PMFBP1: variants seen among roughly 807,000 people sequenced by gnomAD.
PMFBP1 encodes the protein polyamine-modulated factor 1-binding protein 1.
PMFBP1 carries 131 observed loss-of-function variants against 137.8 expected under a neutral mutation model. That is an observed-to-expected ratio of 0.95 (90% CI 0.82 to 1.10). The LOEUF (loss-of-function observed/expected upper bound fraction) is 1.10. Ranked by LOEUF, PMFBP1 falls within the 50% of genes least tolerant of loss-of-function variation. The pLI is 0.00. For missense variants in PMFBP1, 1,199 were observed against 1,175.4 expected, an observed-to-expected ratio of 1.02 and a Z score of -0.29; for synonymous variants, 490 against 450.4, an observed-to-expected ratio of 1.09 and a Z score of -1.11.
rs372529802 is a variant in PMFBP1 at position 72,139,380 on chromosome 16, G to C, written c.827C>G (p.Ala276Gly). 5 of 1,613,902 alleles carry C rather than the reference G, an allele frequency of 3.1e-6. No homozygotes were observed. The African/African-American group carries it at 6.7e-5, about 22-fold the overall frequency. Residue 276 changes from alanine to glycine, a missense_variant, in exon 7 of 21, where the codon GCT (alanine) becomes GGT (glycine). Ala to Gly is a moderately conservative substitution (Grantham distance 60). Transcript: ENST00000237353. ...AAAATCGGCTTGTAGTTTTATCAAA[G>C]CCTTTTCACGCTCCAGAACCTGCAA... ...SNALVLEREK[A>G]LIKLQADFAS...
downstream of PMFBP1, chr16:72,119,088 C>T (rs1489731015): frequency 2.3e-6 from 1 of 441,506 alleles, no homozygotes; most frequent in Non-Finnish European, 4.0e-6. Flanking sequence ...AACAGCTCAC[C>T]ACAACTGCTG....
chr16:72,214,745 G>C, the PMFBP1 span, among the ~76,000 whole-genome samples: 1 of 152,010 alleles, frequency 6.6e-6, no homozygotes, highest in African/African-American at 2.4e-5. Context: ...CAAAACACAG[G>C]AATAAATCCA....
At position 72,136,481 on chromosome 16, in the gene PMFBP1, G is replaced by A. The variant is rs777078704; in HGVS notation, c.1170C>T (p.Thr390=). The A allele has an allele frequency of 1.2e-5, 19 of 1,613,766 alleles. No individual in the cohort carries two copies. The highest frequency in any genetic ancestry group is 3.3e-4 in the Middle Eastern group (2 of 6,084). Residue 390 remains threonine (T), a synonymous_variant, in exon 9 of 21, where the codon ACC becomes ACT. Coordinates refer to ENST00000237353, the MANE Select transcript of PMFBP1 (RefSeq NM_031293.3). The part of the protein sequence containing the change: ...CRLQELQLEF[T]ETQKLTLKKD... ...TCTTCAAAGTGAGCTTTTGGGTCTCGGTGAACTCCAGCTGCAGCTCCTGCA... is the reference window on the plus strand; with the variant it reads ...TCTTCAAAGTGAGCTTTTGGGTCTCAGTGAACTCCAGCTGCAGCTCCTGCA...
intron 4 of PMFBP1, among the ~76,000 whole-genome samples, chr16:72,153,934 A>G (rs1290329525): frequency 1.3e-5 from 2 of 148,876 alleles, no homozygotes; most frequent in African/African-American, 4.9e-5. Flanking sequence ...ACACACACAC[A>G]CACACACACA....
chr16:72,184,684 C>A, the PMFBP1 span, among the ~76,000 whole-genome samples: 1 of 152,202 alleles, frequency 6.6e-6, no homozygotes. Context: ...TTAACCACTA[C>A]TATATATTGC....
chr16:72,152,300 G>A (rs1021453904), intron 4 of PMFBP1, among the ~76,000 whole-genome samples: 16 of 151,976 alleles, frequency 1.1e-4, no homozygotes, highest in Non-Finnish European at 1.6e-4. Context: ...TATTTGCCGA[G>A]TCCTGTATGT....
At chr16:72,248,320 T>C in the PMFBP1 span, among the ~76,000 whole-genome samples, 4 of 152,210 alleles carry the variant, frequency 2.6e-5, no homozygotes, top group Non-Finnish European at 4.4e-5. Context: ...TAAAGAACTT[T>C]AACCAATTGA....
chr16:72,232,078 T>C, the PMFBP1 span, among the ~76,000 whole-genome samples: 1 of 152,136 alleles, frequency 6.6e-6, no homozygotes, highest in East Asian at 1.9e-4. Flanking sequence ...AGAAAAACAA[T>C]GGTTGTGTGG....
chr16:72,243,046 C>T, the PMFBP1 span, among the ~76,000 whole-genome samples: 1 of 152,136 alleles, frequency 6.6e-6, no homozygotes, highest in Non-Finnish European at 1.5e-5. Flanking sequence ...GAGGTTGGTG[C>T]CTGACTTTTG....
At chr16:72,154,582 A>T in intron 3 of PMFBP1, 123 bp from the exon 4 acceptor site, 2 of 1,098,342 alleles carry the variant, frequency 1.8e-6, no homozygotes, top group Non-Finnish European at 2.6e-6. Context: ...TTATCTTTTC[A>T]TCTACAGAGA....
chr16:72,130,581 A>T lies in PMFBP1; in HGVS notation c.1589T>A (p.Met530Lys), dbSNP rs944267581. The change falls in exon 11 of 21, where the codon ATG (methionine) becomes AAG (lysine). Residue 530 changes from methionine to lysine, a missense_variant. Met to Lys is a moderately conservative substitution (Grantham distance 95, BLOSUM62 -1). Coordinates refer to ENST00000237353, the MANE Select transcript of PMFBP1 (RefSeq NM_031293.3). The stretch of plus-strand genomic sequence containing the variant: ...AGCCATCGAGGACTCCTTCTGCAGC[A>T]TCTGAAGTTCTCTCTGTAGTTCCTG... ...TIQELQRELQ[M>K]LQKESSMAEK... is the part of the protein sequence containing the mutation. 20 of 1,614,026 alleles carry T rather than the reference A, an allele frequency of 1.2e-5. No individual in the cohort carries two copies. The highest frequency in any genetic ancestry group is 1.7e-5 in the Non-Finnish European group (20 of 1,180,002).
chr16:72,137,757 A>G (rs1256851050), intron 7 of PMFBP1, among the ~76,000 whole-genome samples: 1 of 152,178 alleles, frequency 6.6e-6, no homozygotes, highest in African/African-American at 2.4e-5. Context: ...GAAGGCAGGA[A>G]CATGTGGCTG....
At chr16:72,139,930 T>G (rs1034432415) in intron 6 of PMFBP1, among the ~76,000 whole-genome samples, 3 of 152,216 alleles carry the variant, frequency 2.0e-5, no homozygotes, top group African/African-American at 7.2e-5. Context: ...TCACTTCCAC[T>G]AAGGGAGAGG....
the PMFBP1 span, among the ~76,000 whole-genome samples, chr16:72,183,151 A>G: frequency 7.1e-3 from 1,088 of 152,328 alleles, 30 homozygotes; most frequent in East Asian, 0.039. Flanking sequence ...TACCATGGTC[A>G]CAGCTTTATG....
At chr16:72,119,737 A>G in intron 20 of PMFBP1, 114 bp downstream of exon 20, 4 of 1,526,368 alleles carry the variant, frequency 2.6e-6, no homozygotes, top group Non-Finnish European at 3.5e-6. Context: ...CAAAGTCGCT[A>G]AGAAAATGAC....
chr16:72,197,379 T>C, the PMFBP1 span, among the ~76,000 whole-genome samples: 1 of 152,216 alleles, frequency 6.6e-6, no homozygotes, highest in Admixed American at 6.5e-5. Flanking sequence ...CAAGAAATAA[T>C]GCTTTCTTTC....
rs968625220 is a variant in PMFBP1, at chr16:72,154,435, C to A, written c.190G>T (p.Ala64Ser). The stretch of plus-strand genomic sequence containing the variant: ...AATTCCACCTCTGACTCCTCGAATG[C>A]TAATGCCTGTGCTTGCTTCTTGTCC... ...SHDKKQAQAL[A>S]FEESEVEFGS... Residue 64 changes from alanine to serine, a missense_variant, in exon 4 of 21, where the codon GCA becomes TCA. By Grantham distance (99) the Ala-to-Ser change is moderately conservative (BLOSUM62 1). Transcript: ENST00000237353. 6 of 1,613,964 alleles carry A rather than the reference C, an allele frequency of 3.7e-6. No individual in the cohort carries two copies. In the African/African-American group the frequency reaches 6.7e-5, roughly 18 times the overall value.
At chr16:72,138,358 A>C (rs1368065871) in intron 7 of PMFBP1, among the ~76,000 whole-genome samples, 1 of 152,146 alleles carries the variant, frequency 6.6e-6, no homozygotes, top group Non-Finnish European at 1.5e-5. Context: ...TTTCAGCATC[A>C]GTCTTGGGGC....
intron 14 of PMFBP1, 58 bp from the exon 15 acceptor site, chr16:72,126,190 T>C (rs576947578): frequency 6.4e-7 from 1 of 1,570,312 alleles, no homozygotes; most frequent in East Asian, 2.2e-5. Flanking sequence ...AGAGGCATTC[T>C]CTGTGCCTAT....
Sources: gnomAD v4.1 joint callset for allele counts (sites outside exome capture counted in the v4.1 genomes callset) on GRCh38, gnomAD v4.1.1 for gene constraint, MANE v1.5 for transcripts, NCBI Gene and HGNC (gene_info 2026-07-23, HGNC 2026-07-21) for gene names.